The following DIAPH2 variants were observed in gnomAD, a reference collection of about 807,000 sequenced individuals.
DIAPH2 encodes the protein protein diaphanous homolog 2.
DIAPH2 carries 35 observed loss-of-function variants against 92.7 expected under a neutral mutation model. The ratio of observed to expected loss-of-function variants is 0.38; its 90% confidence interval spans 0.29 to 0.50. The LOEUF is 0.50. Among genes scored for constraint, DIAPH2 ranks in the 20% least tolerant of loss-of-function variants. DIAPH2 has a pLI of 0.94. For synonymous variants in DIAPH2, 301 were observed against 280.4 expected (o/e 1.07, Z -0.73); for missense variants, 701 against 819.5 (o/e 0.86, Z 1.77).
intron 17 of DIAPH2, among the ~76,000 whole-genome samples, chrX:96,994,923 T>G (rs2066094955): frequency 9.0e-6 from 1 of 111,167 alleles, no homozygotes; most frequent in African/African-American, 3.3e-5. Flanking sequence ...CAAGATGAGA[T>G]TTTGGTGAGG....
At chrX:97,124,109 T>C (rs1332245825) in intron 21 of DIAPH2, among the ~76,000 whole-genome samples, 1 of 112,151 alleles carries the variant, frequency 8.9e-6, no homozygotes, top group Non-Finnish European at 1.9e-5. Flanking sequence ...GAAATTGAAA[T>C]GAGACAAAAC....
chrX:97,295,942 G>A (rs2068639905), intron 23 of DIAPH2, among the ~76,000 whole-genome samples: 1 of 110,211 alleles, frequency 9.1e-6, no homozygotes, highest in Non-Finnish European at 1.9e-5. Flanking sequence ...ACGTTGGCCA[G>A]GCTGGTCTCG....
At chrX:96,987,381 A>G (rs2066039730) in intron 17 of DIAPH2, among the ~76,000 whole-genome samples, 1 of 111,536 alleles carries the variant, frequency 9.0e-6, no homozygotes, top group Non-Finnish European at 1.9e-5. Context: ...ATCATATGCC[A>G]TACACTACTA....
At chrX:97,347,152 A>G (rs57715768) in intron 23 of DIAPH2, among the ~76,000 whole-genome samples, 8,933 of 98,649 alleles carry the variant, frequency 0.091, 631 homozygotes, top group African/African-American at 0.24. Context: ...GCAGTGGCGC[A>G]ATCTTGGCTC....
chrX:97,240,366 G>A (rs2068083294), intron 22 of DIAPH2, among the ~76,000 whole-genome samples: 1 of 111,179 alleles, frequency 9.0e-6, no homozygotes, highest in Non-Finnish European at 1.9e-5. Context: ...CAGCACTTTG[G>A]GAGGCCGAGG....
intron 1 of DIAPH2, among the ~76,000 whole-genome samples, chrX:96,704,156 A>G (rs1228297292): frequency 8.9e-6 from 1 of 111,927 alleles, no homozygotes; most frequent in Non-Finnish European, 1.9e-5. Context: ...ATAGGCTGGG[A>G]AAATGTTCAG....
At chrX:97,093,062 C>T (rs1331550739) in intron 19 of DIAPH2, among the ~76,000 whole-genome samples, 1 of 108,604 alleles carries the variant, frequency 9.2e-6, no homozygotes, top group Non-Finnish European at 1.9e-5. Flanking sequence ...GTGGCATAAG[C>T]CTGTAGTCCC....
At chrX:97,374,585 T>C (rs931228386) in intron 24 of DIAPH2, among the ~76,000 whole-genome samples, 2 of 112,046 alleles carry the variant, frequency 1.8e-5, no homozygotes, top group African/African-American at 3.2e-5. Context: ...AAGAAAAAGT[T>C]TAGCAGTATT....
intron 17 of DIAPH2, among the ~76,000 whole-genome samples, chrX:97,007,693 T>C (rs1229871964): frequency 9.1e-6 from 1 of 110,149 alleles, no homozygotes; most frequent in Non-Finnish European, 1.9e-5. Context: ...TATATTGGTA[T>C]CTTTCTCTAG....
intron 25 of DIAPH2, among the ~76,000 whole-genome samples, chrX:97,395,307 C>G (rs1243556997): frequency 1.8e-5 from 2 of 111,399 alleles, no homozygotes; most frequent in Non-Finnish European, 3.8e-5. Context: ...GTACAACTCT[C>G]CTCGCACTCT....
intron 22 of DIAPH2, among the ~76,000 whole-genome samples, chrX:97,164,675 T>C (rs766539510): frequency 1.8e-4 from 20 of 112,504 alleles, no homozygotes; most frequent in Non-Finnish European, 3.0e-4. Flanking sequence ...TCACTGACCA[T>C]TAATTCTTAG....
chrX:97,147,069 C>T (rs1386566824), intron 22 of DIAPH2, among the ~76,000 whole-genome samples: 1 of 111,113 alleles, frequency 9.0e-6, no homozygotes, highest in Non-Finnish European at 1.9e-5. Flanking sequence ...GGAAAGTAGG[C>T]AAGGTGAGGG....
At chrX:97,463,875 A>G (rs1912048957) in intron 26 of DIAPH2, among the ~76,000 whole-genome samples, 1 of 111,097 alleles carries the variant, frequency 9.0e-6, no homozygotes, top group South Asian at 3.8e-4. Context: ...CACTGTGCGA[A>G]TGACTTGAAG....
intron 25 of DIAPH2, among the ~76,000 whole-genome samples, chrX:97,425,826 ATGTG>A (rs34389353): frequency 3.9e-5 from 4 of 103,583 alleles, no homozygotes; most frequent in Non-Finnish European, 7.9e-5. Flanking sequence ...GTGTATGTAT[ATGTG>A]TGTGTGTGTG....
intron 4 of DIAPH2, among the ~76,000 whole-genome samples, chrX:96,837,589 G>A (rs979926023): frequency 1.8e-5 from 2 of 110,722 alleles, no homozygotes; most frequent in African/African-American, 6.6e-5. Context: ...CAGGAACTAT[G>A]TTTTCTTTAT....
intron 4 of DIAPH2, among the ~76,000 whole-genome samples, chrX:96,868,610 C>T (rs898711524): frequency 4.5e-5 from 5 of 111,566 alleles, no homozygotes; most frequent in African/African-American, 1.3e-4. Flanking sequence ...CCTTCAAACT[C>T]CCTTATCACC....
At chrX:97,128,737 T>G (rs781078740) in intron 21 of DIAPH2, among the ~76,000 whole-genome samples, 1 of 112,602 alleles carries the variant, frequency 8.9e-6, no homozygotes, top group Admixed American at 9.4e-5. Context: ...TGGTTTCGCC[T>G]TCTTCTAGAA....
Position 97,227,305 on chromosome X carries a change from G to A in DIAPH2, c.2720-20410G>A, listed in dbSNP as rs183703167. On this transcript the variant is annotated intron_variant, in intron 22 of 26. Coordinates refer to ENST00000324765, the MANE Select transcript of DIAPH2 (RefSeq NM_006729.5). ...AAACTCACAAAATCAATAAAGCAAT[G>A]TGGGTCAACAGGATATGTGAATATT... Among the ~76,000 whole-genome samples the A allele has an allele frequency of 3.1e-3, 340 of 111,102 alleles. 3 individuals are homozygous for A. The highest frequency in any genetic ancestry group is 0.011 in the African/African-American group (325 of 30,577).
At chrX:96,897,712 A>G (rs1334216935) in intron 5 of DIAPH2, among the ~76,000 whole-genome samples, 4 of 109,335 alleles carry the variant, frequency 3.7e-5, no homozygotes, top group East Asian at 5.7e-4. Flanking sequence ...TTTTTTTTCA[A>G]TTTTTTTAAA....
Sources: allele counts gnomAD v4.1 joint callset (sites outside exome capture counted in the v4.1 genomes callset), GRCh38; gene constraint gnomAD v4.1.1; transcripts MANE v1.5; gene names NCBI Gene and HGNC (gene_info 2026-07-23, HGNC 2026-07-21).